Variants in MLIP observed in about 807,000 individuals in gnomAD.
The protein encoded by MLIP is muscular LMNA interacting protein, also known as muscular LMNA-interacting protein.
MLIP carries 79 observed loss-of-function variants against 84.8 expected under a neutral mutation model. The ratio of observed to expected loss-of-function variants is 0.93; its 90% confidence interval spans 0.78 to 1.12. The LOEUF (loss-of-function observed/expected upper bound fraction) is 1.12. MLIP is among the 50% of genes most tolerant of loss of function. MLIP has a pLI of 0.00. For synonymous variants in MLIP, 504 were observed against 463.0 expected (o/e 1.09, Z -1.14); for missense variants, 1,257 against 1,160.6 (o/e 1.08, Z -1.21).
intron 11 of MLIP, among the ~76,000 whole-genome samples, chr6:54,228,967 C>G (rs990294032): frequency 1.3e-5 from 2 of 152,200 alleles, no homozygotes; most frequent in African/African-American, 4.8e-5. Context: ...AATTATAAGT[C>G]AGAATCATCT....
rs187945755 is a variant in MLIP, at chr6:54,176,035, G to T, written c.2544+6463G>T. Among the ~76,000 whole-genome samples, 87 of 152,100 alleles carry T rather than the reference G, an allele frequency of 5.7e-4. 1 individual carries two copies. Among genetic ancestry groups the T allele is most frequent in the African/African-American group, 2.0e-3 (82 of 41,538 alleles). On this transcript the variant is annotated intron_variant, in intron 9 of 13. Coordinates refer to ENST00000502396, the MANE Select transcript of MLIP (RefSeq NM_001281747.2). ...GTTAATATGACATATCACATTGATTGATTTGCATATGTTAAACCATCATTG... is the reference window on the plus strand; with the variant it reads ...GTTAATATGACATATCACATTGATTTATTTGCATATGTTAAACCATCATTG...
chr6:54,106,447 G>A (rs72956002), upstream of MLIP, among the ~76,000 whole-genome samples: 2,539 of 152,220 alleles, frequency 0.017, 32 homozygotes, highest in Middle Eastern at 0.031. Flanking sequence ...GAGTCAAAGT[G>A]GAAGCAGAAA....
Position 54,121,528 on chromosome 6 carries a change from T to C in MLIP, c.178T>C (p.Leu60=), listed in dbSNP as rs1399029706. 3 of 1,613,940 alleles carry C rather than the reference T, an allele frequency of 1.9e-6. No individual in the cohort carries two copies. Among genetic ancestry groups the C allele is most frequent in the Non-Finnish European group, 2.5e-6 (3 of 1,179,964 alleles). ...CAGAAGACTACCAACCCATACTCAG[T>C]TGGCTGACACCTCTAAATTCCTTGT... ...TVRRLPTHTQ[L]ADTSKFLVKI... Residue 60 remains leucine (L), a synonymous_variant, in exon 2 of 14, where the codon TTG becomes CTG. Coordinates refer to ENST00000502396, the MANE Select transcript of MLIP (RefSeq NM_001281747.2).
chr6:54,108,494 C>G (rs1033131872), upstream of MLIP, among the ~76,000 whole-genome samples: 3 of 152,128 alleles, frequency 2.0e-5, no homozygotes, highest in East Asian at 1.9e-4. Context: ...CTCTTTGAAG[C>G]TATATGTAGT....
At chr6:54,186,329 T>G (rs1448782478) in intron 9 of MLIP, among the ~76,000 whole-genome samples, 1 of 152,238 alleles carries the variant, frequency 6.6e-6, no homozygotes, top group Non-Finnish European at 1.5e-5. Flanking sequence ...TTCATCTGTA[T>G]GCTGACCAGT....
At chr6:54,245,668 GT>G (rs906389426) in intron 12 of MLIP, among the ~76,000 whole-genome samples, 3 of 151,842 alleles carry the variant, frequency 2.0e-5, no homozygotes, top group Non-Finnish European at 4.4e-5. Context: ...AAAAGCTATT[GT>G]TTTTTTAAAA....
chr6:54,092,160 C>A (rs1392339289), intron 1 of MLIP, among the ~76,000 whole-genome samples: 2 of 152,126 alleles, frequency 1.3e-5, no homozygotes, highest in African/African-American at 4.8e-5. Flanking sequence ...CCTTTTCATT[C>A]AATTTATCAC....
chr6:54,131,585 T>C (rs1156898853), intron 3 of MLIP, among the ~76,000 whole-genome samples: 2 of 152,100 alleles, frequency 1.3e-5, no homozygotes, highest in Non-Finnish European at 2.9e-5. Flanking sequence ...TGGGACTCTT[T>C]GGGTAGTCAT....
rs1438150987 is a variant in MLIP, at chr6:54,137,902, C to A, written c.1833C>A (p.Phe611Leu). ...RATFSSSEKC[F>L]HPSPALSSLI... ...CGTTCTCTTCTTCAGAGAAATGTTT[C>A]CATCCTTCCCCAGCTCTTTCAAGCC... Residue 611 changes from phenylalanine (F) to leucine (L), a missense_variant, in exon 4 of 14, where the codon TTC becomes TTA. Phe to Leu is a conservative substitution (Grantham distance 22). Transcript: ENST00000502396. 12 of 1,535,946 alleles carry A rather than the reference C, an allele frequency of 7.8e-6. No individual in the cohort carries two copies. The East Asian group carries it at 2.9e-4, about 38-fold the overall frequency.
chr6:54,024,329 C>T (rs1025102414), intron 1 of MLIP, among the ~76,000 whole-genome samples: 1 of 152,200 alleles, frequency 6.6e-6, no homozygotes, highest in Non-Finnish European at 1.5e-5. Flanking sequence ...TTTATTAATT[C>T]ATAGCTTCAT....
At chr6:54,147,656 G>A (rs530292534) in intron 4 of MLIP, among the ~76,000 whole-genome samples, 16 of 152,212 alleles carry the variant, frequency 1.1e-4, no homozygotes, top group South Asian at 6.2e-4. Context: ...GTGCAGCTTC[G>A]GAGCTCTTGT....
chr6:54,217,435 A>C, intron 11 of MLIP: 1 of 985,428 alleles, frequency 1.0e-6, no homozygotes, highest in Non-Finnish European at 1.2e-6. Context: ...CTAGAGCACC[A>C]AATGCATCAG....
chr6:54,262,385 A>G (rs1017308711), intron 13 of MLIP, among the ~76,000 whole-genome samples: 4 of 152,064 alleles, frequency 2.6e-5, no homozygotes, highest in African/African-American at 7.2e-5. Flanking sequence ...TTTTATACAT[A>G]TTCTCAAGAT....
chr6:54,155,143 C>A (rs575750313), intron 5 of MLIP, among the ~76,000 whole-genome samples: 2 of 152,148 alleles, frequency 1.3e-5, no homozygotes, highest in South Asian at 4.2e-4. Flanking sequence ...GGCAAATATT[C>A]CCAGATCTTT....
chr6:54,098,275 C>G (rs946556984), intron 1 of MLIP, among the ~76,000 whole-genome samples: 1 of 151,042 alleles, frequency 6.6e-6, no homozygotes, highest in Non-Finnish European at 1.5e-5. Flanking sequence ...CCACCTCCAC[C>G]TCCCAAATAG....
intron 11 of MLIP, among the ~76,000 whole-genome samples, chr6:54,203,155 GC>G (rs773361534): frequency 2.6e-5 from 4 of 152,014 alleles, no homozygotes; most frequent in Non-Finnish European, 4.4e-5. Flanking sequence ...TGTCAATGGT[GC>G]TTTATATTTG....
chr6:54,081,460 T>G (rs1043173414), intron 1 of MLIP, among the ~76,000 whole-genome samples: 1 of 152,056 alleles, frequency 6.6e-6, no homozygotes, highest in African/African-American at 2.4e-5. Flanking sequence ...CAGGCTGGAG[T>G]GCAATGGCGC....
intron 5 of MLIP, among the ~76,000 whole-genome samples, chr6:54,154,976 G>A (rs1404175932): frequency 2.0e-5 from 3 of 151,980 alleles, no homozygotes; most frequent in African/African-American, 7.2e-5. Flanking sequence ...GAGCTTTGCT[G>A]GAATGGGTTT....
chr6:54,089,969 A>G lies in MLIP; in HGVS notation c.64-31478A>G, dbSNP rs112292635. Among the ~76,000 whole-genome samples, 166 of 152,200 alleles carry G rather than the reference A, an allele frequency of 1.1e-3. 1 individual carries two copies. The highest frequency in any genetic ancestry group is 3.4e-3 in the Middle Eastern group (1 of 294). Reference sequence around the variant, plus strand: ...TACACCACTACCAATTTGTTTATTAATCTTTTCTGACAATACCTCTCCCCC... The same window carrying G: ...TACACCACTACCAATTTGTTTATTAGTCTTTTCTGACAATACCTCTCCCCC... On this transcript the variant is annotated intron_variant, in intron 1 of 12. Coordinates refer to the MLIP transcript ENST00000274897.
Sources: gnomAD v4.1 joint callset for allele counts (sites outside exome capture counted in the v4.1 genomes callset) on GRCh38, gnomAD v4.1.1 for gene constraint, MANE v1.5 for transcripts, NCBI Gene and HGNC (gene_info 2026-07-23, HGNC 2026-07-21) for gene names.